THPO: variants seen among roughly 807,000 people sequenced by gnomAD.
THPO encodes thrombopoietin.
In THPO, 12 loss-of-function variants were observed where a neutral mutation model predicts 17.0. That is an observed-to-expected ratio of 0.71 (90% CI 0.45 to 1.14). THPO has a LOEUF of 1.14. THPO is among the 50% of genes most tolerant of loss of function. The pLI is 0.00. For synonymous variants in THPO, 188 were observed against 183.0 expected (o/e 1.03, Z -0.22); for missense variants, 365 against 427.5 (o/e 0.85, Z 1.29).
At chr3:184,378,878 C>T, upstream of THPO, 2 of 985,386 alleles carry the variant, frequency 2.0e-6, no homozygotes, top group South Asian at 4.7e-5. Context: ...CCACATGTGA[C>T]AAGAGGAATA....
rs752331038 is a variant in THPO, at chr3:184,375,972, C to T, written c.57G>A (p.Thr19=). The change falls in exon 3 of 6, where the codon ACG becomes ACA. Residue 19 remains threonine, a synonymous_variant. Transcript: ENST00000647395. ...AAGCAGGAGGAGCCGGGCTGGACAG[C>T]GTTAGCCTTGCAGTTAGGAGAAGCA... ...VVMLLLTARL[T]LSSPAPPACD... 11 of 1,613,702 alleles carry T rather than the reference C, an allele frequency of 6.8e-6. No individual in the cohort carries two copies. In the Admixed American group the frequency reaches 8.3e-5, roughly 12 times the overall value.
chr3:184,376,153 T>C (rs1292234242), intron 2 of THPO, 94 bp downstream of exon 2: 2 of 1,612,442 alleles, frequency 1.2e-6, no homozygotes, highest in Non-Finnish European at 1.7e-6. Context: ...GAGAATGGGT[T>C]CCCCCAGCTT....
rs1714578260 is a variant in THPO at position 184,378,145 on chromosome 3, CAT to C, written c.-218_-217del. ...TCTGGGGAGCAGATGGGTAGGAAGACATGTGGCGGTGGGGCACAGCCCCTCCA... is the reference window on the plus strand; with the variant it reads ...TCTGGGGAGCAGATGGGTAGGAAGACGTGGCGGTGGGGCACAGCCCCTCCA... On this transcript the variant is annotated 5_prime_UTR_variant, in exon 1 of 6. The change abolishes an upstream ATG in the 5' untranslated region. Coordinates refer to ENST00000647395, the MANE Select transcript of THPO (RefSeq NM_000460.4). The C allele has an allele frequency of 9.1e-6, 9 of 985,564 alleles. No homozygotes were observed. The highest frequency in any genetic ancestry group is 1.7e-5 in the African/African-American group (1 of 57,384). 61.1% of individuals were successfully genotyped at this position (985,564 alleles called of 1,614,324 possible). A position where few individuals can be genotyped will look rare whatever the true frequency, so the allele number is the denominator to read the frequency against.
rs367562708 is a variant in THPO, at chr3:184,373,475, C to T, written c.336G>A (p.Gly112=). 4.8e-5 allele frequency: 77 copies of T among 1,613,996 alleles called. No individual in the cohort carries two copies. Among genetic ancestry groups the T allele is most frequent in the Non-Finnish European group, 6.3e-5 (74 of 1,180,044 alleles). The change falls in exon 5 of 6, where the codon GGG becomes GGA. Residue 112 remains glycine, a synonymous_variant. Transcript: ENST00000647395. The stretch of plus-strand genomic sequence containing the variant: ...GGAGACGGACCTGTCCAGAAAGCTG[C>T]CCCAGGAGGGATGAGAGGCAAGTGG... ...LGPTCLSSLL[G]QLSGQVRLLL...
chr3:184,374,850 A>G (rs777731815), intron 4 of THPO, among the ~76,000 whole-genome samples: 2 of 152,104 alleles, frequency 1.3e-5, no homozygotes, highest in Non-Finnish European at 2.9e-5. Context: ...GTGCATTGGC[A>G]TGATCTCAGC....
At chr3:184,373,680 G>T (rs1560283962) in intron 4 of THPO, 98 bp from the exon 5 acceptor site, 1 of 1,374,666 alleles carries the variant, frequency 7.3e-7, no homozygotes, top group Non-Finnish European at 1.0e-6. Flanking sequence ...AATCATACAG[G>T]CTGAGAACTG....
At chr3:184,378,740 A>G, upstream of THPO, 1 of 954,460 alleles carries the variant, frequency 1.0e-6, no homozygotes, top group Non-Finnish European at 1.2e-6. Flanking sequence ...GCACACGTGC[A>G]CTGGGTTAAG....
chr3:184,378,990 C>G (rs541364126), upstream of THPO: 1 of 387,184 alleles, frequency 2.6e-6, no homozygotes, highest in East Asian at 1.6e-4. Flanking sequence ...GGCTCTAGCT[C>G]CTTTGCTTTC....
upstream of THPO, chr3:184,378,433 G>A (rs148110896): frequency 8.8e-4 from 858 of 977,370 alleles, 1 homozygote; most frequent in Admixed American, 1.1e-3. Context: ...CAGGACATTT[G>A]TGTTGCTGGG....
Position 184,372,896 on chromosome 3 carries a change from C to T in THPO, c.679G>A (p.Ala227Thr), listed in dbSNP as rs1016317819. ...GLLKWQQGFRAKIPGLLNQTS... is the reference protein window; with the variant it reads ...GLLKWQQGFRTKIPGLLNQTS... ...TGGTTCAGCAGACCAGGAATCTTGG[C>T]TCTGAATCCCTGCTGCCACTTCAGA... The change falls in exon 6 of 6, where the codon GCC becomes ACC. Residue 227 changes from alanine (A) to threonine (T), a missense_variant. Transcript: ENST00000647395. The T allele has an allele frequency of 6.2e-7, 1 of 1,614,146 alleles. No homozygotes were observed. The highest frequency in any genetic ancestry group is 1.3e-5 in the African/African-American group (1 of 75,008).
At chr3:184,378,322 C>T (rs923210924), upstream of THPO, 14 of 985,406 alleles carry the variant, frequency 1.4e-5, no homozygotes, top group African/African-American at 1.4e-4. Flanking sequence ...ACACACACCA[C>T]GGAGAAGATT....
chr3:184,376,199 C>T (rs373881575), intron 2 of THPO, 48 bp downstream of exon 2: 37 of 1,613,834 alleles, frequency 2.3e-5, no homozygotes, highest in Non-Finnish European at 3.0e-5. Context: ...TCTCTCTCCC[C>T]TTCTGTCATG....
In THPO at chr3:184,376,713, T is replaced by C. The variant is rs13084357; in HGVS notation, c.-145-309A>G. 0.12 allele frequency among the ~76,000 whole-genome samples: 18,973 copies of C among 151,894 alleles called. 1,444 individuals are homozygous for C. Among genetic ancestry groups the C allele is most frequent in the African/African-American group, 0.21 (8,803 of 41,398 alleles). On this transcript the variant is annotated intron_variant, in intron 1 of 5. Transcript: ENST00000647395. ...CAAAAAAACTAGCAGGGTGTGGTGG[T>C]TCATGCCTGTAATCCAAGCTACTTG...
intron 1 of THPO, among the ~76,000 whole-genome samples, chr3:184,377,538 C>T (rs1714523417): frequency 6.6e-6 from 1 of 152,174 alleles, no homozygotes; most frequent in Non-Finnish European, 1.5e-5. Flanking sequence ...CTTCACAGGA[C>T]CCCCCACATG....
chr3:184,377,959 G>C (rs945944126), intron 1 of THPO, 116 bp downstream of exon 1: 9 of 791,736 alleles, frequency 1.1e-5, no homozygotes, highest in South Asian at 5.8e-5. Context: ...CACTCTTCTC[G>C]ACAAAGGTCA....
intron 5 of THPO, 112 bp from the exon 6 acceptor site, chr3:184,373,290 G>A (rs1444979972): frequency 1.2e-5 from 18 of 1,557,262 alleles, no homozygotes; most frequent in Non-Finnish European, 1.3e-5. Context: ...CTGGCAGGGA[G>A]CACTCTTAGT....
upstream of THPO, among the ~76,000 whole-genome samples, chr3:184,379,216 G>C (rs987110501): frequency 6.6e-6 from 1 of 152,148 alleles, no homozygotes; most frequent in African/African-American, 2.4e-5. Context: ...AGGGTGCTGG[G>C]ATAGCTGGGA....
intron 1 of THPO, among the ~76,000 whole-genome samples, chr3:184,376,855 AAAGAAAG>A (rs1416937650): frequency 1.4e-4 from 20 of 141,508 alleles, no homozygotes; most frequent in African/African-American, 2.2e-4. Flanking sequence ...CAAAAAAAAA[AAAGAAAG>A]AAAGAAAGAA....
At position 184,375,545 on chromosome 3, in the gene THPO, G is replaced by A; in HGVS notation, c.198C>T (p.Asp66=). The change falls in exon 4 of 6, where the codon GAC becomes GAT. Residue 66 remains aspartate (D), a synonymous_variant. Transcript: ENST00000647395. ...GGGTTTTCCATTCTCCCAAGCTAAA[G>A]TCCACAGCAGGCAGCAGGACAGGTG... is the stretch of plus-strand genomic sequence containing the variant. The part of the protein sequence containing the change: ...LPTPVLLPAV[D]FSLGEWKTQM... 2 of 1,614,188 alleles carry A rather than the reference G, an allele frequency of 1.2e-6. No individual in the cohort carries two copies. The highest frequency in any genetic ancestry group is 1.1e-5 in the South Asian group (1 of 91,084).
Sources: allele counts gnomAD v4.1 joint callset (sites outside exome capture counted in the v4.1 genomes callset), GRCh38; gene constraint gnomAD v4.1.1; transcripts MANE v1.5; gene names NCBI Gene and HGNC (gene_info 2026-07-23, HGNC 2026-07-21).